Variants in APLNR observed in about 807,000 individuals in gnomAD.
APLNR encodes APJ (apelin) receptor.
A neutral mutation model predicts 23.4 loss-of-function variants in APLNR; 13 were observed. That is an observed-to-expected ratio of 0.56 (90% CI 0.36 to 0.88). APLNR has a LOEUF of 0.88. Among genes scored for constraint, APLNR ranks in the 40% least tolerant of loss-of-function variants. The pLI is 0.01. For missense variants in APLNR, 480 were observed against 517.1 expected, an observed-to-expected ratio of 0.93 and a Z score of 0.70; for synonymous variants, 234 against 211.9, an observed-to-expected ratio of 1.10 and a Z score of -0.91.
Position 57,235,560 on chromosome 11 carries a change from C to T in APLNR, c.*302G>A, listed in dbSNP as rs549854388. 9.9e-5 allele frequency: 29 copies of T among 292,406 alleles called. No individual in the cohort carries two copies. The South Asian group carries it at 2.4e-3, about 24-fold the overall frequency. 18.1% of individuals were successfully genotyped at this position (292,406 alleles called of 1,614,324 possible). On this transcript the variant is annotated 3_prime_UTR_variant, in exon 1 of 1. Coordinates refer to ENST00000606794, the MANE Select transcript of APLNR (RefSeq NM_005161.6). The stretch of plus-strand genomic sequence containing the variant: ...GAAACAAGCTTTTACTGCGTCCAGA[C>T]TCAGGCTTCAACATTTTAGGATCAA...
chr11:57,236,739 G>A lies in APLNR; in HGVS notation c.266C>T (p.Thr89Met), dbSNP rs752803395. 2.1e-5 allele frequency: 34 copies of A among 1,613,884 alleles called. No homozygotes were observed. Among genetic ancestry groups the A allele is most frequent in the African/African-American group, 4.0e-5 (3 of 74,952 alleles). Reference protein sequence around the residue: ...VVTLPLWATYTYRDYDWPFGT... With the variant: ...VVTLPLWATYMYRDYDWPFGT... ...AAAGGGCCAGTCATAGTCCCGGTAC[G>A]TGTAGGTAGCCCACAGGGGCAGCGT... The change falls in exon 1 of 1, where the codon ACG becomes ATG. Residue 89 changes from threonine to methionine, a missense_variant. By Grantham distance (81) the Thr-to-Met change is moderately conservative (BLOSUM62 -1). Transcript: ENST00000606794.
rs1011547372 is a variant in APLNR, at chr11:57,235,009, G to C, written c.*853C>G. ...CCCACTCACATAATGAAACCAAGGA[G>C]TACATCCATTCATCAGCCCTGCTGC... On this transcript the variant is annotated 3_prime_UTR_variant, in exon 1 of 1. Transcript: ENST00000606794. 2 of 152,210 alleles carry C rather than the reference G, an allele frequency of 1.3e-5. No individual in the cohort carries two copies. Among genetic ancestry groups the C allele is most frequent in the Non-Finnish European group, 2.9e-5 (2 of 68,058 alleles). 9.4% of individuals were successfully genotyped at this position (152,210 alleles called of 1,614,324 possible).
At position 57,236,036 on chromosome 11, in the gene APLNR, C is replaced by G; in HGVS notation, c.969G>C (p.Met323Ile). The change falls in exon 1 of 1, where the codon ATG becomes ATC. Residue 323 changes from methionine (M) to isoleucine (I), a missense_variant. Met to Ile is a conservative substitution (Grantham distance 10, BLOSUM62 1). Transcript: ENST00000606794. ...CGCACCTGCTCTGGCCACAGCAGAGCATGGAGGTGCAGGCCTGGCGGAAGC... is the reference window on the plus strand; with the variant it reads ...CGCACCTGCTCTGGCCACAGCAGAGGATGGAGGTGCAGGCCTGGCGGAAGC... ...DPRFRQACTS[M>I]LCCGQSRCAG... The G allele has an allele frequency of 6.2e-7, 1 of 1,614,234 alleles. No homozygotes were observed. Among genetic ancestry groups the G allele is most frequent in the Non-Finnish European group, 8.5e-7 (1 of 1,180,046 alleles).
rs1238295474 is a variant in APLNR, at chr11:57,236,866, C to T, written c.139G>A (p.Gly47Ser). Residue 47 changes from glycine to serine, a missense_variant, in exon 1 of 1, where the codon GGT (glycine) becomes AGT (serine). By Grantham distance (56) the Gly-to-Ser change is moderately conservative. Coordinates refer to ENST00000606794, the MANE Select transcript of APLNR (RefSeq NM_005161.6). ...LVFLLGTTGN[G>S]LVLWTVFRSS... Reference sequence around the variant, plus strand: ...CGAAACACGGTCCAGAGCACCAGACCGTTGCCCGTGGTGCCCAGGAGGAAG... The same window carrying T: ...CGAAACACGGTCCAGAGCACCAGACTGTTGCCCGTGGTGCCCAGGAGGAAG... The T allele has an allele frequency of 1.3e-5, 21 of 1,614,088 alleles. No homozygotes were observed. Among genetic ancestry groups the T allele is most frequent in the African/African-American group, 2.7e-5 (2 of 74,940 alleles).
Position 57,236,238 on chromosome 11 carries a change from G to T in APLNR, c.767C>A (p.Thr256Asn). Residue 256 changes from threonine to asparagine, a missense_variant, in exon 1 of 1, where the codon ACC becomes AAC. Thr to Asn is a moderately conservative substitution (Grantham distance 65). Transcript: ENST00000606794. ...GTAGGGCATCCAGCACAGGGCAAAG[G>T]TCACCACCAGCACCACGATGATGCT... ...LLSIIVVLVV[T>N]FALCWMPYHL... 6.2e-7 allele frequency: 1 copy of T among 1,614,018 alleles called. No individual in the cohort carries two copies. The highest frequency in any genetic ancestry group is 8.5e-7 in the Non-Finnish European group (1 of 1,179,944).
rs150001803 is a variant in APLNR at position 57,236,284 on chromosome 11, G to T, written c.721C>A (p.Arg241=). 6 of 1,614,004 alleles carry T rather than the reference G, an allele frequency of 3.7e-6. No homozygotes were observed. Among genetic ancestry groups the T allele is most frequent in the Non-Finnish European group, 5.1e-6 (6 of 1,180,020 alleles). Residue 241 remains arginine (R), a synonymous_variant, in exon 1 of 1, where the codon CGG becomes AGG. Transcript: ENST00000606794. Reference sequence around the variant, plus strand: ...ATGCTGAGCAGCCGGCGCCGCTTCCGCAGGCCCTCGATGCGTTCCTTGCGG... The same window carrying T: ...ATGCTGAGCAGCCGGCGCCGCTTCCTCAGGCCCTCGATGCGTTCCTTGCGG... ...HFRKERIEGL[R]KRRRLLSIIV...
Position 57,235,998 on chromosome 11 carries a change from T to C in APLNR, c.1007A>G (p.His336Arg). ...CGQSRCAGTS[H>R]SSSGEKSASY... ...GGCTGACTTCTCCCCACTGCTGCTG[T>C]GGGAGGTGCCTGCGCACCTGCTCTG... is the stretch of plus-strand genomic sequence containing the variant. Residue 336 changes from histidine (H) to arginine (R), a missense_variant, in exon 1 of 1, where the codon CAC (histidine) becomes CGC (arginine). By Grantham distance (29) the His-to-Arg change is conservative. Transcript: ENST00000606794. The C allele has an allele frequency of 6.2e-7, 1 of 1,614,216 alleles. No individual in the cohort carries two copies. The highest frequency in any genetic ancestry group is 8.5e-7 in the Non-Finnish European group (1 of 1,180,036).
chr11:57,236,821 G>T lies in APLNR; in HGVS notation c.184C>A (p.Arg62Ser). The change falls in exon 1 of 1, where the codon CGC becomes AGC. Residue 62 changes from arginine to serine, a missense_variant. Physicochemically the swap from Arg to Ser is moderately radical, Grantham distance 110. Transcript: ENST00000606794. Reference protein sequence around the residue: ...TVFRSSREKRRSADIFIASLA... With the variant: ...TVFRSSREKRSSADIFIASLA... ...CTAGCAATGAAGATATCAGCTGAGC[G>T]CCTCTTCTCCCGGCTGCTCCGAAAC... The T allele has an allele frequency of 6.2e-6, 10 of 1,614,196 alleles. No individual in the cohort carries two copies. Among genetic ancestry groups the T allele is most frequent in the Non-Finnish European group, 8.5e-6 (10 of 1,180,042 alleles).
rs1855022986 is a variant in APLNR at position 57,236,819 on chromosome 11, G to A, written c.186C>T (p.Arg62=). ...GGCTAGCAATGAAGATATCAGCTGA[G>A]CGCCTCTTCTCCCGGCTGCTCCGAA... The part of the protein sequence containing the change: ...TVFRSSREKR[R]SADIFIASLA... Residue 62 remains arginine, a synonymous_variant, in exon 1 of 1, where the codon CGC becomes CGT. Coordinates refer to ENST00000606794, the MANE Select transcript of APLNR (RefSeq NM_005161.6). 8.7e-6 allele frequency: 14 copies of A among 1,614,112 alleles called. No individual in the cohort carries two copies. Among genetic ancestry groups the A allele is most frequent in the Non-Finnish European group, 1.2e-5 (14 of 1,180,062 alleles).
chr11:57,235,840 A>C lies in APLNR; in HGVS notation c.*22T>G. 6.4e-7 allele frequency: 1 copy of C among 1,574,120 alleles called. No homozygotes were observed. Among genetic ancestry groups the C allele is most frequent in the Non-Finnish European group, 8.6e-7 (1 of 1,161,566 alleles). ...AAGGCCGGGGAGGGCCGAGGGCGCC[A>C]GGCTTCTCTCTGCTCCCAGCCCTAG... On this transcript the variant is annotated 3_prime_UTR_variant, in exon 1 of 1. Transcript: ENST00000606794.
Position 57,236,912 on chromosome 11 carries a change from G to T in APLNR, c.93C>A (p.Ile31=), listed in dbSNP as rs576024496. 6.2e-7 allele frequency: 1 copy of T among 1,613,988 alleles called. No individual in the cohort carries two copies. Among genetic ancestry groups the T allele is most frequent in the African/African-American group, 1.3e-5 (1 of 74,940 alleles). ...YTDWKSSGAL[I]PAIYMLVFLL... Reference sequence around the variant, plus strand: ...GGAAGACCAACATGTAGATGGCAGGGATGAGGGCCCCCGAGGATTTCCAGT... The same window carrying T: ...GGAAGACCAACATGTAGATGGCAGGTATGAGGGCCCCCGAGGATTTCCAGT... The change falls in exon 1 of 1, where the codon ATC becomes ATA. Residue 31 remains isoleucine, a synonymous_variant. Coordinates refer to ENST00000606794, the MANE Select transcript of APLNR (RefSeq NM_005161.6).
rs780449482 is a variant in APLNR at position 57,236,662 on chromosome 11, C to A, written c.343G>T (p.Ala115Ser). ...AGGCCGGTGAGGCAGAAGACGCTGG[C>A]GTACATGTTGACGAAGATGAGGTAG... ...SSYLIFVNMY[A>S]SVFCLTGLSF... The change falls in exon 1 of 1, where the codon GCC becomes TCC. Residue 115 changes from alanine (A) to serine (S), a missense_variant. Ala to Ser is a moderately conservative substitution (Grantham distance 99). Coordinates refer to ENST00000606794, the MANE Select transcript of APLNR (RefSeq NM_005161.6). 6.2e-7 allele frequency: 1 copy of A among 1,608,596 alleles called. No homozygotes were observed. Among genetic ancestry groups the A allele is most frequent in the East Asian group, 2.2e-5 (1 of 44,756 alleles).
In APLNR at chr11:57,236,570, G is replaced by A. The variant is rs543225369; in HGVS notation, c.435C>T (p.Ser145=). The change falls in exon 1 of 1, where the codon AGC becomes AGT. Residue 145 remains serine, a synonymous_variant. Coordinates refer to ENST00000606794, the MANE Select transcript of APLNR (RefSeq NM_005161.6). The part of the protein sequence containing the change: ...VANARLRLRV[S]GAVATAVLWV... ...AAAGAACTGCCGTGGCCACGGCCCC[G>A]CTGACCCGCAGCCTCAGCCGAGCAT... is the stretch of plus-strand genomic sequence containing the variant. The A allele has an allele frequency of 8.1e-6, 13 of 1,613,166 alleles. No individual in the cohort carries two copies. The highest frequency in any genetic ancestry group is 3.3e-5 in the Admixed American group (2 of 59,970).
In APLNR at chr11:57,235,945, G is replaced by A. The variant is rs1382995541; in HGVS notation, c.1060C>T (p.Pro354Ser). 2 of 1,614,144 alleles carry A rather than the reference G, an allele frequency of 1.2e-6. No individual in the cohort carries two copies. Among genetic ancestry groups the A allele is most frequent in the Non-Finnish European group, 1.7e-6 (2 of 1,180,044 alleles). The stretch of plus-strand genomic sequence containing the variant: ...CCACCCTTGCCCATGTTGGGGCCGG[G>A]CCCCTGGCTGTGCCCCGAAGAGTAG... Reference protein sequence around the residue: ...ASYSSGHSQGPGPNMGKGGEQ... With the variant: ...ASYSSGHSQGSGPNMGKGGEQ... Residue 354 changes from proline to serine, a missense_variant, in exon 1 of 1, where the codon CCC becomes TCC. Coordinates refer to ENST00000606794, the MANE Select transcript of APLNR (RefSeq NM_005161.6).
In APLNR at chr11:57,235,830, C is replaced by T. The variant is rs755891901; in HGVS notation, c.*32G>A. The T allele has an allele frequency of 1.9e-5, 29 of 1,563,832 alleles. No homozygotes were observed. The highest frequency in any genetic ancestry group is 4.5e-5 in the East Asian group (2 of 44,562). On this transcript the variant is annotated 3_prime_UTR_variant, in exon 1 of 1. Transcript: ENST00000606794. Reference sequence around the variant, plus strand: ...AGCAAGGGCAAAGGCCGGGGAGGGCCGAGGGCGCCAGGCTTCTCTCTGCTC... The same window carrying T: ...AGCAAGGGCAAAGGCCGGGGAGGGCTGAGGGCGCCAGGCTTCTCTCTGCTC...
In APLNR at chr11:57,236,735, G is replaced by C; in HGVS notation, c.270C>G (p.Tyr90Ter). The change falls in exon 1 of 1, where the codon TAC (tyrosine) becomes TAG (stop). Residue 90 changes from tyrosine to a stop codon, truncating the protein, a stop_gained. Coordinates refer to ENST00000606794, the MANE Select transcript of APLNR (RefSeq NM_005161.6). LOFTEE classifies it high-confidence loss of function. ...VTLPLWATYT[Y>*]RDYDWPFGTF... ...TCCCAAAGGGCCAGTCATAGTCCCG[G>C]TACGTGTAGGTAGCCCACAGGGGCA... 1.9e-6 allele frequency: 3 copies of C among 1,613,918 alleles called. No homozygotes were observed. Among genetic ancestry groups the C allele is most frequent in the Non-Finnish European group, 2.5e-6 (3 of 1,180,038 alleles).
chr11:57,236,502 C>G lies in APLNR; in HGVS notation c.503G>C (p.Arg168Pro), dbSNP rs746176980. 1.2e-6 allele frequency: 2 copies of G among 1,614,182 alleles called. No individual in the cohort carries two copies. The highest frequency in any genetic ancestry group is 1.7e-6 in the Non-Finnish European group (2 of 1,180,032). ...GGTGTTCTCCAAGTCCCCGGTGGTG[C>G]GTAACACCATGACAGGCATGGCCAG... is the stretch of plus-strand genomic sequence containing the variant. Reference protein sequence around the residue: ...ALLAMPVMVLRTTGDLENTTK... With the variant: ...ALLAMPVMVLPTTGDLENTTK... The change falls in exon 1 of 1, where the codon CGC (arginine) becomes CCC (proline). Residue 168 changes from arginine to proline, a missense_variant. Arg to Pro is a moderately radical substitution (Grantham distance 103). Transcript: ENST00000606794.
rs949714785 is a variant in APLNR at position 57,234,225 on chromosome 11, A to T, written c.*1637T>A. On this transcript the variant is annotated 3_prime_UTR_variant, in exon 1 of 1. Transcript: ENST00000606794. ...CCAATCCTGAGGGTAGGGAGAGAAA[A>T]AACCCACCCCGTGCCTTTTGGCCCA... 2 of 152,182 alleles carry T rather than the reference A, an allele frequency of 1.3e-5. No individual in the cohort carries two copies. The highest frequency in any genetic ancestry group is 4.8e-5 in the African/African-American group (2 of 41,396). The allele number at this position is 152,182 out of a possible 1,614,324, so 9.4% of individuals were successfully genotyped here.
At position 57,236,592 on chromosome 11, in the gene APLNR, G is replaced by A. The variant is rs1193200316; in HGVS notation, c.413C>T (p.Ala138Val). The change falls in exon 1 of 1, where the codon GCT becomes GTT. Residue 138 changes from alanine (A) to valine (V), a missense_variant. Ala to Val is a moderately conservative substitution (Grantham distance 64). Transcript: ENST00000606794. ...CCCGCTGACCCGCAGCCTCAGCCGA[G>A]CATTGGCCACTGGCCTCACGATGGC... is the stretch of plus-strand genomic sequence containing the variant. ...YLAIVRPVANARLRLRVSGAV... is the reference protein window; with the variant it reads ...YLAIVRPVANVRLRLRVSGAV... 1 of 1,612,250 alleles carries A rather than the reference G, an allele frequency of 6.2e-7. No individual in the cohort carries two copies. The highest frequency in any genetic ancestry group is 1.7e-5 in the Admixed American group (1 of 59,848).
Sources: gnomAD v4.1 joint callset for allele counts on GRCh38, gnomAD v4.1.1 for gene constraint, MANE v1.5 for transcripts, NCBI Gene and HGNC (gene_info 2026-07-23, HGNC 2026-07-21) for gene names.